The following RBFOX1 variants were observed in gnomAD, a reference collection of about 807,000 sequenced individuals.
The protein encoded by RBFOX1 is RNA binding protein fox-1 homolog 1.
In RBFOX1, 8 loss-of-function variants were observed where a neutral mutation model predicts 57.7. The observed-to-expected ratio is 0.14, with a 90% CI of 0.08 to 0.25. The LOEUF is 0.25. RBFOX1 is among the 10% of genes least tolerant of loss of function. The pLI, the probability that RBFOX1 is intolerant of heterozygous loss-of-function variation, is 1.00. For missense variants in RBFOX1, 611 were observed against 548.5 expected (o/e 1.11, Z -1.14); for synonymous variants, 326 against 222.4 (o/e 1.47, Z -4.15).
intron 3 of RBFOX1, among the ~76,000 whole-genome samples, chr16:5,684,575 C>G (rs1039222402): frequency 6.6e-6 from 1 of 152,164 alleles, no homozygotes; most frequent in Non-Finnish European, 1.5e-5. Flanking sequence ...TTTCCAAGGA[C>G]GGACACTTGT....
At chr16:6,747,089 C>G (rs904526339) in intron 3 of RBFOX1, among the ~76,000 whole-genome samples, 3 of 152,124 alleles carry the variant, frequency 2.0e-5, no homozygotes, top group African/African-American at 7.2e-5. Flanking sequence ...GGTCCCTATA[C>G]CATGCCAAAT....
intron 4 of RBFOX1, among the ~76,000 whole-genome samples, chr16:7,327,959 C>T (rs572514709): frequency 7.2e-5 from 11 of 152,284 alleles, no homozygotes; most frequent in African/African-American, 2.2e-4. Flanking sequence ...TAGATACCCC[C>T]TGTCTCTCAT....
chr16:5,608,901 A>G (rs182809281), intron 3 of RBFOX1, among the ~76,000 whole-genome samples: 268 of 152,322 alleles, frequency 1.8e-3, no homozygotes, highest in African/African-American at 6.3e-3. Flanking sequence ...CCCTAATAAG[A>G]AATGCAGTCT....
chr16:7,023,830 C>T (rs1043760425), intron 3 of RBFOX1, among the ~76,000 whole-genome samples: 2 of 152,026 alleles, frequency 1.3e-5, no homozygotes, highest in African/African-American at 4.8e-5. Context: ...TTTTTAATCA[C>T]CCAGATGTTA....
At chr16:6,187,980 G>A (rs1236988380) in intron 1 of RBFOX1, among the ~76,000 whole-genome samples, 1 of 152,188 alleles carries the variant, frequency 6.6e-6, no homozygotes, top group Non-Finnish European at 1.5e-5. Flanking sequence ...ATTTTGCCAT[G>A]AAATTATTTA....
At chr16:5,803,308 T>C (rs1035852722) in intron 3 of RBFOX1, among the ~76,000 whole-genome samples, 3 of 152,168 alleles carry the variant, frequency 2.0e-5, no homozygotes, top group Non-Finnish European at 4.4e-5. Context: ...TTTGTACTAT[T>C]TTATGGTCCT....
chr16:6,324,934 G>T (rs1387901274), intron 2 of RBFOX1, among the ~76,000 whole-genome samples: 3 of 152,200 alleles, frequency 2.0e-5, no homozygotes, highest in African/African-American at 7.2e-5. Context: ...CTCTTGACAG[G>T]AGAGTGTACT....
intron 4 of RBFOX1, among the ~76,000 whole-genome samples, chr16:7,447,778 G>A (rs141699037): frequency 6.6e-6 from 1 of 152,234 alleles, no homozygotes; most frequent in Non-Finnish European, 1.5e-5. Flanking sequence ...AAATGCATTT[G>A]TTGAAGGTTA....
In RBFOX1 at chr16:5,455,015, CTTTCTT is replaced by C. The variant is rs1375842920; in HGVS notation, c.220-12199_220-12194del. 1.9e-4 allele frequency among the ~76,000 whole-genome samples: 22 copies of C among 114,344 alleles called. 1 individual carries two copies. The highest frequency in any genetic ancestry group is 5.7e-4 in the South Asian group (2 of 3,518). 75.0% of individuals were successfully genotyped at this position (114,344 alleles called of 152,430 possible). On this transcript the variant is annotated intron_variant, in intron 1 of 2. Transcript: ENST00000585867. ...TCTTTCTTTCTTTCTTTCTTTCTTT[CTTTCTT>C]TCTCTCTCTCTGTCTGTCTCTCTTT...
intron 11 of RBFOX1, among the ~76,000 whole-genome samples, chr16:7,638,280 G>C (rs1457016537): frequency 6.6e-6 from 1 of 152,178 alleles, no homozygotes; most frequent in Non-Finnish European, 1.5e-5. Flanking sequence ...TATAGGACAG[G>C]TATGATTAAT....
At chr16:7,555,624 C>G (rs773843867) in intron 5 of RBFOX1, among the ~76,000 whole-genome samples, 2 of 152,150 alleles carry the variant, frequency 1.3e-5, no homozygotes, top group Non-Finnish European at 2.9e-5. Flanking sequence ...CTGACGTCAT[C>G]TCCTTTTCTC....
At chr16:5,878,043 C>G (rs2057661005) in intron 4 of RBFOX1, among the ~76,000 whole-genome samples, 4 of 152,178 alleles carry the variant, frequency 2.6e-5, no homozygotes, top group Non-Finnish European at 5.9e-5. Flanking sequence ...ACTATATACA[C>G]AGACACCACA....
intron 3 of RBFOX1, among the ~76,000 whole-genome samples, chr16:6,975,924 C>G (rs58747451): frequency 0.78 from 118,946 of 151,932 alleles, 46,839 homozygotes; most frequent in African/African-American, 0.87. Context: ...TCAGGAGTTC[C>G]AGATCATGCT....
chr16:7,384,338 A>ATGAAATTTTCAATT, intron 4 of RBFOX1, among the ~76,000 whole-genome samples: 1 of 152,174 alleles, frequency 6.6e-6, no homozygotes, highest in South Asian at 2.1e-4. Context: ...AAATTTCAAT[A>ATGAAATTTTCAATT]TGAAAAACGA....
chr16:5,621,685 G>A (rs1040158185), intron 3 of RBFOX1, among the ~76,000 whole-genome samples: 4 of 152,172 alleles, frequency 2.6e-5, no homozygotes, highest in Non-Finnish European at 4.4e-5. Context: ...CGAGGATATG[G>A]AAAATACCAG....
chr16:7,571,565 T>G (rs1360180197), intron 5 of RBFOX1, among the ~76,000 whole-genome samples: 1 of 152,184 alleles, frequency 6.6e-6, no homozygotes, highest in African/African-American at 2.4e-5. Flanking sequence ...GGTGTTTTCT[T>G]AACATTTATA....
At chr16:6,767,956 G>T (rs76299929) in intron 3 of RBFOX1, among the ~76,000 whole-genome samples, 9,119 of 97,382 alleles carry the variant, frequency 0.094, 316 homozygotes, top group East Asian at 0.13. Flanking sequence ...ATAAGAAGAA[G>T]AAGAAGAAGA....
intron 3 of RBFOX1, among the ~76,000 whole-genome samples, chr16:6,829,539 T>A (rs996106213): frequency 2.0e-5 from 3 of 151,642 alleles, no homozygotes; most frequent in South Asian, 4.2e-4. Context: ...ACAAAATAAG[T>A]ACCATTAGTT....
intron 3 of RBFOX1, among the ~76,000 whole-genome samples, chr16:6,820,718 C>G (rs1302236181): frequency 6.6e-6 from 1 of 152,056 alleles, no homozygotes; most frequent in Non-Finnish European, 1.5e-5. Context: ...CATTCTCATT[C>G]TTAGAAGATT....
Sources: gnomAD v4.1 joint callset for allele counts (sites outside exome capture counted in the v4.1 genomes callset) on GRCh38, gnomAD v4.1.1 for gene constraint, MANE v1.5 for transcripts, NCBI Gene and HGNC (gene_info 2026-07-23, HGNC 2026-07-21) for gene names.